Variants in KAT8 observed in about 807,000 individuals in gnomAD.
The protein encoded by KAT8 is histone acetyltransferase KAT8.
KAT8 carries 40 observed loss-of-function variants against 62.9 expected under a neutral mutation model. The observed-to-expected ratio is 0.64, with a 90% CI of 0.49 to 0.83. The LOEUF (loss-of-function observed/expected upper bound fraction) is 0.83, where lower values mean the gene tolerates loss of function less well. KAT8 is among the 40% of genes least tolerant of loss of function. KAT8 has a pLI of 0.00. For synonymous variants in KAT8, 278 were observed against 254.5 expected (o/e 1.09, Z -0.88); for missense variants, 387 against 614.8 (o/e 0.63, Z 3.92).
At chr16:31,124,577 C>T (rs927012433) in intron 3 of KAT8, among the ~76,000 whole-genome samples, 1 of 151,836 alleles carries the variant, frequency 6.6e-6, no homozygotes, top group African/African-American at 2.4e-5. Context: ...ACTAAAGATA[C>T]AAAAAATTAG....
Position 31,130,854 on chromosome 16 carries a change from G to C in KAT8, c.1266G>C (p.Val422=), listed in dbSNP as rs760405880. ...QHVICVTPKL[V]EEHLKSAQYK... is the part of the protein sequence containing the mutation. ...TGATCTGTGTCACACCCAAGCTGGTGGAGGAGCACCTCAAAAGTGCCCAGT... is the reference window on the plus strand; with the variant it reads ...TGATCTGTGTCACACCCAAGCTGGTCGAGGAGCACCTCAAAAGTGCCCAGT... The change falls in exon 10 of 11, where the codon GTG becomes GTC. Residue 422 remains valine (V), a synonymous_variant. Coordinates refer to ENST00000219797, the MANE Select transcript of KAT8 (RefSeq NM_032188.3). The C allele has an allele frequency of 6.2e-7, 1 of 1,613,670 alleles. No individual in the cohort carries two copies. The highest frequency in any genetic ancestry group is 8.5e-7 in the Non-Finnish European group (1 of 1,179,990).
intron 3 of KAT8, 57 bp downstream of exon 3, chr16:31,120,571 T>G: frequency 6.5e-7 from 1 of 1,540,642 alleles, no homozygotes; most frequent in South Asian, 1.2e-5. Context: ...GCCAGTTCCC[T>G]TGGGTCTCTC....
At chr16:31,122,578 G>A (rs1386907521) in intron 3 of KAT8, 1 of 152,190 alleles carries the variant, frequency 6.6e-6, no homozygotes, top group East Asian at 1.9e-4. Context: ...TGTCTAGTGT[G>A]ACGAAGAATT....
At chr16:31,120,931 G>C (rs1406138673) in intron 3 of KAT8, 2 of 159,180 alleles carry the variant, frequency 1.3e-5, no homozygotes, top group Non-Finnish European at 2.8e-5. Flanking sequence ...CAACACACAG[G>C]AATAGTTACT....
At chr16:31,122,154 T>C (rs2057499615) in intron 3 of KAT8, 1 of 152,260 alleles carries the variant, frequency 6.6e-6, no homozygotes, top group Non-Finnish European at 1.5e-5. Flanking sequence ...CTATTGCAGC[T>C]TCATCCTTCT....
rs777929657 is a variant in KAT8 at position 31,130,488 on chromosome 16, G to C, written c.1039G>C (p.Gly347Arg). ...YELSKLESTV[G>R]SPEKPLSDLG... ...GCTCTCCAAGCTGGAGAGCACAGTC[G>C]GCTCCCCGGAGAAGCCACTGTCTGA... is the stretch of plus-strand genomic sequence containing the variant. Residue 347 changes from glycine (G) to arginine (R), a missense_variant, in exon 9 of 11, where the codon GGC (glycine) becomes CGC (arginine). Gly to Arg is a moderately radical substitution (Grantham distance 125). Transcript: ENST00000219797. 2.5e-6 allele frequency: 4 copies of C among 1,614,096 alleles called. No homozygotes were observed. The highest frequency in any genetic ancestry group is 3.4e-6 in the Non-Finnish European group (4 of 1,179,970).
intron 1 of KAT8, chr16:31,118,415 A>G (rs1431495402): frequency 1.3e-5 from 2 of 152,500 alleles, no homozygotes; most frequent in African/African-American, 4.8e-5. Flanking sequence ...TTGCCAGGCC[A>G]GAACACACTG....
chr16:31,120,621 A>C (rs2057486029), intron 3 of KAT8, 107 bp downstream of exon 3: 1 of 1,035,960 alleles, frequency 9.7e-7, no homozygotes, highest in South Asian at 1.6e-5. Flanking sequence ...CCATTTCTTA[A>C]GCTCCTGTAG....
intron 3 of KAT8, chr16:31,120,829 G>A: frequency 3.4e-6 from 1 of 290,274 alleles, no homozygotes; most frequent in South Asian, 6.8e-5. Context: ...AGTTCAGTGG[G>A]AAAGACGAGA....
rs1415403830 is a variant in KAT8 at position 31,126,894 on chromosome 16, A to G, written c.463-141A>G. The G allele has an allele frequency of 9.6e-6, 8 of 832,088 alleles. No individual in the cohort carries two copies. In the African/African-American group the frequency reaches 1.0e-4, roughly 11 times the overall value. The allele number at this position is 832,088 out of a possible 1,614,324, so 51.5% of individuals were successfully genotyped here. ...AGCCAGCTTCAGAACCAAGTCAGATAGGTTAGCTATTGGTGTGGTTATTAT... is the reference window on the plus strand; with the variant it reads ...AGCCAGCTTCAGAACCAAGTCAGATGGGTTAGCTATTGGTGTGGTTATTAT... On this transcript the variant is annotated intron_variant, in intron 3 of 10. Coordinates refer to ENST00000219797, the MANE Select transcript of KAT8 (RefSeq NM_032188.3).
intron 3 of KAT8, among the ~76,000 whole-genome samples, chr16:31,123,279 C>T (rs914468341): frequency 1.3e-5 from 2 of 152,086 alleles, no homozygotes; most frequent in Admixed American, 6.5e-5. Context: ...TGCAGTGGTG[C>T]GATCTCAGCT....
At chr16:31,119,339 G>T (rs576263919) in intron 1 of KAT8, among the ~76,000 whole-genome samples, 1 of 152,146 alleles carries the variant, frequency 6.6e-6, no homozygotes, top group African/African-American at 2.4e-5. Flanking sequence ...TAGTAGAGAC[G>T]AAGTTTCACC....
chr16:31,121,085 T>TGTGTGTGTGTG (rs1555503456), intron 3 of KAT8: 1 of 142,992 alleles, frequency 7.0e-6, no homozygotes, highest in Admixed American at 7.1e-5. Context: ...TAAATGGTTT[T>TGTGTGTGTGTG]TGTGTGTGTG....
chr16:31,127,382 G>C (rs1336233888), intron 5 of KAT8, 29 bp downstream of exon 5: 2 of 1,611,964 alleles, frequency 1.2e-6, no homozygotes, highest in Non-Finnish European at 1.7e-6. Context: ...GGCCGAGCTG[G>C]GCAGGGGCCC....
chr16:31,130,190 TGGGGAGGGC>T (rs2057565356), intron 7 of KAT8, 33 bp downstream of exon 7: 4 of 184,000 alleles, frequency 2.2e-5, no homozygotes, highest in Admixed American at 5.2e-5. Context: ...GTGGGGAGGG[TGGGGAGGGC>T]GAAGGTGGGC....
intron 5 of KAT8, 117 bp downstream of exon 5, chr16:31,127,470 C>T (rs567153380): frequency 7.5e-6 from 8 of 1,061,254 alleles, no homozygotes; most frequent in Admixed American, 2.1e-5. Context: ...CCCAAAGGAG[C>T]GAGTACAGGG....
chr16:31,130,390 G>GGA, intron 8 of KAT8, 30 bp downstream of exon 8: 1 of 1,614,096 alleles, frequency 6.2e-7, no homozygotes, highest in South Asian at 1.1e-5. Context: ...TCTGGGAGGG[G>GGA]GAGACCTGTG....
At chr16:31,126,508 C>T (rs905275777) in intron 3 of KAT8, 4 of 162,862 alleles carry the variant, frequency 2.5e-5, no homozygotes, top group African/African-American at 9.6e-5. Flanking sequence ...AAATGAGCAA[C>T]CCAGGAGGAG....
chr16:31,117,922 G>A (rs2057461160), intron 1 of KAT8, 30 bp downstream of exon 1: 1 of 1,310,412 alleles, frequency 7.6e-7, no homozygotes, highest in Admixed American at 4.1e-5. Flanking sequence ...CTGGGGGCGG[G>A]GCGGAGCTCA....
Sources: allele counts gnomAD v4.1 joint callset (sites outside exome capture counted in the v4.1 genomes callset), GRCh38; gene constraint gnomAD v4.1.1; transcripts MANE v1.5; gene names NCBI Gene and HGNC (gene_info 2026-07-23, HGNC 2026-07-21).